The following LDOC1 variants were observed in gnomAD, a reference collection of about 807,000 sequenced individuals.
The protein encoded by LDOC1 is LDOC1 regulator of NFKB signaling.
Under a neutral mutation model 4.9 loss-of-function variants are expected in LDOC1, and 1 was observed. The observed-to-expected ratio is 0.20, with a 90% CI of 0.07 to 0.96. The LOEUF (loss-of-function observed/expected upper bound fraction) is 0.96, where lower values mean the gene tolerates loss of function less well. Among genes scored for constraint, LDOC1 ranks in the 40% least tolerant of loss-of-function variants. The pLI is 0.62. For missense variants in LDOC1, 76 were observed against 128.1 expected (o/e 0.59, Z 1.96); for synonymous variants, 55 against 58.3 (o/e 0.94, Z 0.26).
In LDOC1 at chrX:141,176,452, A is replaced by C; in HGVS notation, c.*129T>G. The C allele has an allele frequency of 1.2e-6, 1 of 800,828 alleles. No individual in the cohort carries two copies. The highest frequency in any genetic ancestry group is 1.7e-6 in the Non-Finnish European group (1 of 576,006). The allele number at this position is 800,828 out of a possible 1,213,427, so 66.0% of individuals were successfully genotyped here. On this transcript the variant is annotated 3_prime_UTR_variant, in exon 1 of 1. Transcript: ENST00000370526. Reference sequence around the variant, plus strand: ...CTACGGAGAAATGAAGAGAGAGAGCAGACGGGCGCGGGTAGGTAAGGGGAC... The same window carrying C: ...CTACGGAGAAATGAAGAGAGAGAGCCGACGGGCGCGGGTAGGTAAGGGGAC...
chrX:141,175,433 T>C lies in LDOC1; in HGVS notation c.*1148A>G, dbSNP rs147357523. 0.022 allele frequency among the ~76,000 whole-genome samples: 2,418 copies of C among 112,131 alleles called. 83 individuals carry two copies. Among genetic ancestry groups the C allele is most frequent in the African/African-American group, 0.074 (2,291 of 30,780 alleles). On this transcript the variant is annotated 3_prime_UTR_variant, in exon 1 of 1. Transcript: ENST00000370526. ...GAGAATTAGGAGCATTACATATATATGTCCAGGTTTACGCCTATTGTTATG... is the reference window on the plus strand; with the variant it reads ...GAGAATTAGGAGCATTACATATATACGTCCAGGTTTACGCCTATTGTTATG...
Position 141,176,293 on chromosome X carries a change from T to A in LDOC1, c.*288A>T, listed in dbSNP as rs1377118981. 2.6e-6 allele frequency: 1 copy of A among 382,104 alleles called. No individual in the cohort carries two copies. Among genetic ancestry groups the A allele is most frequent in the African/African-American group, 2.5e-5 (1 of 39,294 alleles). 31.5% of individuals were successfully genotyped at this position (382,104 alleles called of 1,213,427 possible). ...CAATAGCTGGGGTTCAGGACACAGT[T>A]CAGATTAGCAGGGGAGGGATCCCGG... is the stretch of plus-strand genomic sequence containing the variant. On this transcript the variant is annotated 3_prime_UTR_variant, in exon 1 of 1. Transcript: ENST00000370526.
In LDOC1 at chrX:141,176,650, C is replaced by G. The variant is rs1556283493; in HGVS notation, c.372G>C (p.Glu124Asp). Residue 124 changes from glutamate (E) to aspartate (D), a missense_variant, in exon 1 of 1, where the codon GAG becomes GAC. Coordinates refer to ENST00000370526, the MANE Select transcript of LDOC1 (RefSeq NM_012317.4). ...ILGDYRAFLD[E>D]MKQCFGWDDD... ...CATCCCAGCCAAAGCACTGTTTCAT[C>G]TCATCGAGGAAGGCCCGGTAATCAC... The G allele has an allele frequency of 2.5e-6, 3 of 1,211,962 alleles. No homozygotes were observed. Among genetic ancestry groups the G allele is most frequent in the East Asian group, 3.0e-5 (1 of 33,798 alleles).
Position 141,176,339 on chromosome X carries a change from A to C in LDOC1, c.*242T>G. On this transcript the variant is annotated 3_prime_UTR_variant, in exon 1 of 1. Coordinates refer to ENST00000370526, the MANE Select transcript of LDOC1 (RefSeq NM_012317.4). ...CCCGGGGATGGCCAGGGTAGATGAC[A>C]CTTCCAAGCACTTCCGAGTGAGTGA... 2.3e-6 allele frequency: 1 copy of C among 433,270 alleles called. No homozygotes were observed. Among genetic ancestry groups the C allele is most frequent in the South Asian group, 3.6e-5 (1 of 27,431 alleles). 35.7% of individuals were successfully genotyped at this position (433,270 alleles called of 1,213,427 possible). A position where few individuals can be genotyped will look rare whatever the true frequency, so the allele number is the denominator to read the frequency against.
rs377490828 is a variant in LDOC1 at position 141,176,809 on chromosome X, C to T, written c.213G>A (p.Thr71=). The T allele has an allele frequency of 1.2e-5, 14 of 1,210,504 alleles. No individual in the cohort carries two copies. The highest frequency in any genetic ancestry group is 1.6e-5 in the Non-Finnish European group (14 of 895,335). ...SSRLPEFIVQ[T]ASYMLVNENR... Reference sequence around the variant, plus strand: ...TCTCGTTCACGAGCATGTAAGACGCCGTCTGCACGATAAACTCGGGGAGCC... The same window carrying T: ...TCTCGTTCACGAGCATGTAAGACGCTGTCTGCACGATAAACTCGGGGAGCC... The change falls in exon 1 of 1, where the codon ACG becomes ACA. Residue 71 remains threonine, a synonymous_variant. Coordinates refer to ENST00000370526, the MANE Select transcript of LDOC1 (RefSeq NM_012317.4).
In LDOC1 at chrX:141,176,605, G is replaced by T; in HGVS notation, c.417C>A (p.Asp139Glu). 2.6e-5 allele frequency: 31 copies of T among 1,207,383 alleles called. No individual in the cohort carries two copies. The highest frequency in any genetic ancestry group is 3.5e-5 in the Non-Finnish European group (31 of 892,214). The change falls in exon 1 of 1, where the codon GAC (aspartate) becomes GAA (glutamate). Residue 139 changes from aspartate (D) to glutamate (E), a missense_variant. Transcript: ENST00000370526. ...FGWDDDEDDDDEEEEDDY is the reference protein window; with the variant it reads ...FGWDDDEDDDEEEEEDDY The stretch of plus-strand genomic sequence containing the variant: ...CCTAATAATCATCCTCCTCTTCTTC[G>T]TCGTCGTCGTCTTCGTCGTCATCCC...
rs1300765935 is a variant in LDOC1 at position 141,175,755 on chromosome X, T to C, written c.*826A>G. 8.9e-6 allele frequency: 1 copy of C among 112,714 alleles called. No homozygotes were observed. Among genetic ancestry groups the C allele is most frequent in the African/African-American group, 3.2e-5 (1 of 30,875 alleles). The allele number at this position is 112,714 out of a possible 1,213,427, so 9.3% of individuals were successfully genotyped here. On this transcript the variant is annotated 3_prime_UTR_variant, in exon 1 of 1. Coordinates refer to ENST00000370526, the MANE Select transcript of LDOC1 (RefSeq NM_012317.4). ...ATTAAAAGACAATCATTTCTTTTTTTAGTGCTTGATATTTATTGAAAATAA... is the reference window on the plus strand; with the variant it reads ...ATTAAAAGACAATCATTTCTTTTTTCAGTGCTTGATATTTATTGAAAATAA...
chrX:141,176,667 G>A lies in LDOC1; in HGVS notation c.355C>T (p.Arg119Trp). 8.3e-7 allele frequency: 1 copy of A among 1,212,006 alleles called. No individual in the cohort carries two copies. The highest frequency in any genetic ancestry group is 1.8e-5 in the South Asian group (1 of 57,003). Residue 119 changes from arginine to tryptophan, a missense_variant, in exon 1 of 1, where the codon CGG becomes TGG. Arg to Trp is a moderately radical substitution (Grantham distance 101). Transcript: ENST00000370526. ...EMDSPILGDY[R>W]AFLDEMKQCF... Reference sequence around the variant, plus strand: ...TGTTTCATCTCATCGAGGAAGGCCCGGTAATCACCTAGGATGGGGCTATCC... The same window carrying A: ...TGTTTCATCTCATCGAGGAAGGCCCAGTAATCACCTAGGATGGGGCTATCC...
rs2013625581 is a variant in LDOC1, at chrX:141,177,081, A to G, written c.-60T>C. 1.1e-6 allele frequency: 1 copy of G among 927,465 alleles called. No homozygotes were observed. Among genetic ancestry groups the G allele is most frequent in the African/African-American group, 2.3e-5 (1 of 43,629 alleles). The allele number at this position is 927,465 out of a possible 1,213,427, so 76.4% of individuals were successfully genotyped here. ...TTCGGCTCGGCCAAGGTGCGCACGG[A>G]GCCCTCGCAGGAAGTGCGTGTCCAC... On this transcript the variant is annotated 5_prime_UTR_variant, in exon 1 of 1. Coordinates refer to ENST00000370526, the MANE Select transcript of LDOC1 (RefSeq NM_012317.4).
chrX:141,176,889 G>T lies in LDOC1; in HGVS notation c.133C>A (p.Arg45Ser). 1 of 1,211,811 alleles carries T rather than the reference G, an allele frequency of 8.3e-7. No homozygotes were observed. Among genetic ancestry groups the T allele is most frequent in the Non-Finnish European group, 1.1e-6 (1 of 895,531 alleles). ...CERASLLRQV[R>S]PPSCPVPFPE... ...AAGGGCACCGGGCAGCTCGGCGGACGTACCTGGCGCAGCAGGCTGGCCCTC... is the reference window on the plus strand; with the variant it reads ...AAGGGCACCGGGCAGCTCGGCGGACTTACCTGGCGCAGCAGGCTGGCCCTC... The change falls in exon 1 of 1, where the codon CGT becomes AGT. Residue 45 changes from arginine to serine, a missense_variant. Arg to Ser is a moderately radical substitution (Grantham distance 110). Coordinates refer to ENST00000370526, the MANE Select transcript of LDOC1 (RefSeq NM_012317.4).
rs954290308 is a variant in LDOC1, at chrX:141,174,522, A to G, written c.*2059T>C. Among the ~76,000 whole-genome samples, 5 of 111,577 alleles carry G rather than the reference A, an allele frequency of 4.5e-5. No individual in the cohort carries two copies. The highest frequency in any genetic ancestry group is 1.9e-4 in the Admixed American group (2 of 10,504). On this transcript the variant is annotated 3_prime_UTR_variant, in exon 1 of 1. Transcript: ENST00000370526. ...CTGCTCTGCTCCTCTTCACGCTGACATTTTCCTACTAAAGCCAGGCTCAGA... is the reference window on the plus strand; with the variant it reads ...CTGCTCTGCTCCTCTTCACGCTGACGTTTTCCTACTAAAGCCAGGCTCAGA...
At position 141,177,000 on chromosome X, in the gene LDOC1, G is replaced by C. The variant is rs1556283593; in HGVS notation, c.22C>G (p.Leu8Val). 4.1e-6 allele frequency: 5 copies of C among 1,207,311 alleles called. No individual in the cohort carries two copies. Among genetic ancestry groups the C allele is most frequent in the Non-Finnish European group, 5.6e-6 (5 of 892,431 alleles). MVDELVL[L>V]LHALLMRHRA... is the part of the protein sequence containing the mutation. The stretch of plus-strand genomic sequence containing the variant: ...TGCCGCATCAGGAGCGCGTGCAGCA[G>C]CAGCACCAACTCATCCACCATTGCG... Residue 8 changes from leucine to valine, a missense_variant, in exon 1 of 1, where the codon CTG (leucine) becomes GTG (valine). Transcript: ENST00000370526.
At position 141,177,105 on chromosome X, in the gene LDOC1, A is replaced by G; in HGVS notation, c.-84T>C. On this transcript the variant is annotated 5_prime_UTR_variant, in exon 1 of 1. Transcript: ENST00000370526. ...GAGCCCTCGCAGGAAGTGCGTGTCC[A>G]CGGAGGCGCTTGGTGGCCAGGGGCG... 2.7e-6 allele frequency: 1 copy of G among 366,845 alleles called. No homozygotes were observed. The highest frequency in any genetic ancestry group is 4.2e-6 in the Non-Finnish European group (1 of 237,473). 30.2% of individuals were successfully genotyped at this position (366,845 alleles called of 1,213,427 possible).
In LDOC1 at chrX:141,175,196, G is replaced by C. The variant is rs2052925889; in HGVS notation, c.*1385C>G. 8.9e-6 allele frequency among the ~76,000 whole-genome samples: 1 copy of C among 112,258 alleles called. No homozygotes were observed. The highest frequency in any genetic ancestry group is 9.5e-5 in the Admixed American group (1 of 10,571). On this transcript the variant is annotated 3_prime_UTR_variant, in exon 1 of 1. Transcript: ENST00000370526. ...CCAAGGAGAACGAAATGTTTGTTAA[G>C]ATCAGGCTATATCTTTATGGGTGCA...
In LDOC1 at chrX:141,176,531, G is replaced by T. The variant is rs782468912; in HGVS notation, c.*50C>A. On this transcript the variant is annotated 3_prime_UTR_variant, in exon 1 of 1. Coordinates refer to ENST00000370526, the MANE Select transcript of LDOC1 (RefSeq NM_012317.4). ...CTGGCGGGGTGAGGGCTGCGGGGAG[G>T]GGGTGGCGGCGTGCAGGGCCCTCCC... The T allele has an allele frequency of 2.1e-5, 24 of 1,154,726 alleles. No individual in the cohort carries two copies. The highest frequency in any genetic ancestry group is 2.7e-5 in the Non-Finnish European group (23 of 865,324).
rs1301241732 is a variant in LDOC1, at chrX:141,176,230, C to G, written c.*351G>C. On this transcript the variant is annotated 3_prime_UTR_variant, in exon 1 of 1. Coordinates refer to ENST00000370526, the MANE Select transcript of LDOC1 (RefSeq NM_012317.4). ...AGCAGGGCAGGTGGCAGCAGCAGGGCTACGGGTGGTCTGCGCAGTTTGTAA... is the reference window on the plus strand; with the variant it reads ...AGCAGGGCAGGTGGCAGCAGCAGGGGTACGGGTGGTCTGCGCAGTTTGTAA... 1 of 264,147 alleles carries G rather than the reference C, an allele frequency of 3.8e-6. No homozygotes were observed. Among genetic ancestry groups the G allele is most frequent in the African/African-American group, 2.7e-5 (1 of 36,740 alleles). 21.8% of individuals were successfully genotyped at this position (264,147 alleles called of 1,213,427 possible). A position where few individuals can be genotyped will look rare whatever the true frequency, so the allele number is the denominator to read the frequency against.
At position 141,174,788 on chromosome X, in the gene LDOC1, AT is replaced by A. The variant is rs1269298068; in HGVS notation, c.*1792del. On this transcript the variant is annotated 3_prime_UTR_variant, in exon 1 of 1. Coordinates refer to ENST00000370526, the MANE Select transcript of LDOC1 (RefSeq NM_012317.4). ...GCCTTAAACAGTACGGAAATGTGTT[AT>A]CTAAATTAATTAAAGGTTATAAAGT... Among the ~76,000 whole-genome samples, 2 of 112,462 alleles carry A rather than the reference AT, an allele frequency of 1.8e-5. No homozygotes were observed. Among genetic ancestry groups the A allele is most frequent in the Non-Finnish European group, 3.7e-5 (2 of 53,345 alleles).
Position 141,176,510 on chromosome X carries a change from C to A in LDOC1, c.*71G>T. 3.5e-6 allele frequency: 4 copies of A among 1,129,519 alleles called. No individual in the cohort carries two copies. In the South Asian group the frequency reaches 8.3e-5, roughly 24 times the overall value. 93.1% of individuals were successfully genotyped at this position (1,129,519 alleles called of 1,213,427 possible). A position where few individuals can be genotyped will look rare whatever the true frequency, so the allele number is the denominator to read the frequency against. ...CAAGGGGGAGAGCAGTGGCTCCTGG[C>A]GGGGTGAGGGCTGCGGGGAGGGGGT... On this transcript the variant is annotated 3_prime_UTR_variant, in exon 1 of 1. Transcript: ENST00000370526.
At position 141,176,481 on chromosome X, in the gene LDOC1, A is replaced by G. The variant is rs957823297; in HGVS notation, c.*100T>C. 6 of 1,049,575 alleles carry G rather than the reference A, an allele frequency of 5.7e-6. No individual in the cohort carries two copies. In the Admixed American group the frequency reaches 1.7e-4, roughly 30 times the overall value. The allele number at this position is 1,049,575 out of a possible 1,213,427, so 86.5% of individuals were successfully genotyped here. On this transcript the variant is annotated 3_prime_UTR_variant, in exon 1 of 1. Coordinates refer to ENST00000370526, the MANE Select transcript of LDOC1 (RefSeq NM_012317.4). ...GGGCGCGGGTAGGTAAGGGGACCGGAGGGCAAGGGGGAGAGCAGTGGCTCC... is the reference window on the plus strand; with the variant it reads ...GGGCGCGGGTAGGTAAGGGGACCGGGGGGCAAGGGGGAGAGCAGTGGCTCC...
Sources: allele counts gnomAD v4.1 joint callset (sites outside exome capture counted in the v4.1 genomes callset), GRCh38; gene constraint gnomAD v4.1.1; transcripts MANE v1.5; gene names NCBI Gene and HGNC (gene_info 2026-07-23, HGNC 2026-07-21).